SUCO: variants seen among roughly 807,000 people sequenced by gnomAD.
The protein encoded by SUCO is SUN domain-containing ossification factor.
Under a neutral mutation model 148.1 loss-of-function variants are expected in SUCO, and 57 were observed. The observed-to-expected ratio is 0.38, with a 90% CI of 0.31 to 0.48. SUCO has a LOEUF of 0.48. Ranked by LOEUF, SUCO falls within the 20% of genes least tolerant of loss-of-function variation. SUCO has a pLI of 0.96. For synonymous variants in SUCO, 470 were observed against 502.7 expected (o/e 0.93, Z 0.87); for missense variants, 1,331 against 1,468.2 (o/e 0.91, Z 1.53).
chr1:172,541,116 A>G (rs1406864407), intron 1 of SUCO, among the ~76,000 whole-genome samples: 1 of 152,208 alleles, frequency 6.6e-6, no homozygotes, highest in African/African-American at 2.4e-5. Context: ...AAAAATAACA[A>G]TACAACAATA....
chr1:172,551,620 GA>G lies in SUCO; in HGVS notation c.176del (p.Lys59ArgfsTer29). On this transcript the variant is annotated frameshift_variant, in exon 2 of 24. Transcript: ENST00000263688. LOFTEE classifies it high-confidence loss of function. Reference sequence around the variant, plus strand: ...TAGAAAATGAAGATGTACAATTCCAGAAAAAGGTGCCTTAAATAAAGTTAAC... The same window carrying G: ...TAGAAAATGAAGATGTACAATTCCAGAAAAGGTGCCTTAAATAAAGTTAAC... ...ALENEDVQFQ[K>X]KDEREGPINA... 8 of 1,590,184 alleles carry G rather than the reference GA, an allele frequency of 5.0e-6. No individual in the cohort carries two copies. Among genetic ancestry groups the G allele is most frequent in the East Asian group, 2.3e-5 (1 of 44,282 alleles).
rs187065569 is a variant in SUCO, at chr1:172,558,587, C to T, written c.732+793C>T. 5.8e-4 allele frequency among the ~76,000 whole-genome samples: 89 copies of T among 152,286 alleles called. 2 individuals are homozygous for T. Among genetic ancestry groups the T allele is most frequent in the Admixed American group, 2.2e-3 (34 of 15,304 alleles). ...CGTATTTTCAGTGAATCTTCACTTA[C>T]GACTAACTAAACTTCATTCTGGAGA... On this transcript the variant is annotated intron_variant, in intron 6 of 23. Coordinates refer to ENST00000263688, the MANE Select transcript of SUCO (RefSeq NM_014283.5).
chr1:172,601,955 G>A, intron 20 of SUCO, 109 bp from the exon 21 acceptor site: 1 of 1,108,664 alleles, frequency 9.0e-7, no homozygotes, highest in Admixed American at 2.9e-5. Context: ...GGTCTTTGAA[G>A]CACATTAAAA....
chr1:172,568,225 T>C, intron 6 of SUCO: 2 of 810,604 alleles, frequency 2.5e-6, no homozygotes, highest in Non-Finnish European at 1.5e-6. Flanking sequence ...TTATATGATA[T>C]CTCAGGCTTT....
intron 3 of SUCO, 46 bp downstream of exon 3, chr1:172,553,416 A>T (rs1558177814): frequency 1.5e-6 from 2 of 1,360,838 alleles, no homozygotes; most frequent in Non-Finnish European, 2.0e-6. Context: ...ATTTCAAACT[A>T]CTTTACAAGA....
At chr1:172,553,444 C>A (rs186577207) in intron 3 of SUCO, 74 bp downstream of exon 3, 1 of 1,097,800 alleles carries the variant, frequency 9.1e-7, no homozygotes, top group African/African-American at 1.6e-5. Flanking sequence ...CCTTTGGTCA[C>A]CATATTGTGT....
chr1:172,563,931 T>A (rs1041781535), intron 6 of SUCO, among the ~76,000 whole-genome samples: 1 of 152,202 alleles, frequency 6.6e-6, no homozygotes, highest in African/African-American at 2.4e-5. Context: ...GCACCCTGCA[T>A]CCCAGCTGCT....
At chr1:172,545,398 A>C (rs2149221730) in intron 1 of SUCO, among the ~76,000 whole-genome samples, 1 of 152,332 alleles carries the variant, frequency 6.6e-6, no homozygotes, top group East Asian at 1.9e-4. Flanking sequence ...TATAAAGGGA[A>C]GATTTCAGAA....
chr1:172,533,861 G>A (rs1019310007), intron 1 of SUCO, among the ~76,000 whole-genome samples: 1 of 152,160 alleles, frequency 6.6e-6, no homozygotes, highest in Non-Finnish European at 1.5e-5. Flanking sequence ...CAGTCTTTGC[G>A]TTCTTAGTGT....
intron 19 of SUCO, among the ~76,000 whole-genome samples, chr1:172,597,528 AT>A (rs959185385): frequency 8.6e-5 from 13 of 151,852 alleles, no homozygotes; most frequent in South Asian, 2.1e-4. Context: ...TTTTGTTTGT[AT>A]TTTTTTTAAT....
intron 6 of SUCO, among the ~76,000 whole-genome samples, chr1:172,567,818 AT>A (rs1201741379): frequency 6.6e-6 from 1 of 152,164 alleles, no homozygotes; most frequent in Non-Finnish European, 1.5e-5. Context: ...CTCAACAGAT[AT>A]TTCACACTTG....
In SUCO at chr1:172,539,130, CTGAA is replaced by C. The variant is rs141016914; in HGVS notation, c.62+5636_62+5639del. On this transcript the variant is annotated intron_variant, in intron 1 of 23. Coordinates refer to ENST00000263688, the MANE Select transcript of SUCO (RefSeq NM_014283.5). ...TCACTCTTTCACTTTTCTCAACAGT[CTGAA>C]TGGAGAAAAGAATCAATATGTATAA... Among the ~76,000 whole-genome samples the C allele has an allele frequency of 4.4e-3, 674 of 152,186 alleles. 3 individuals carry two copies. Among genetic ancestry groups the C allele is most frequent in the African/African-American group, 0.016 (645 of 41,514 alleles).
chr1:172,542,923 A>G (rs1277670377), intron 1 of SUCO: 1 of 985,344 alleles, frequency 1.0e-6, no homozygotes, highest in Non-Finnish European at 1.2e-6. Flanking sequence ...AAACTTTTCA[A>G]AAGAGGGAAG....
chr1:172,609,414 A>G, intron 23 of SUCO: 1 of 941,706 alleles, frequency 1.1e-6, no homozygotes, highest in Non-Finnish European at 1.3e-6. Context: ...CTACATTGTA[A>G]CTTGGGCAAA....
intron 1 of SUCO, among the ~76,000 whole-genome samples, chr1:172,547,569 C>T (rs1652956868): frequency 6.6e-6 from 1 of 152,120 alleles, no homozygotes; most frequent in Admixed American, 6.5e-5. Context: ...AGACAAATCT[C>T]ACATAAGAAC....
intron 6 of SUCO, among the ~76,000 whole-genome samples, chr1:172,564,188 G>A (rs1654390765): frequency 6.6e-6 from 1 of 152,256 alleles, no homozygotes; most frequent in South Asian, 2.1e-4. Context: ...AGTGCAGAGG[G>A]GAAATATGGG....
intron 11 of SUCO, among the ~76,000 whole-genome samples, chr1:172,576,132 G>A (rs1396030400): frequency 1.3e-5 from 2 of 151,776 alleles, no homozygotes; most frequent in Non-Finnish European, 3.0e-5. Context: ...AAACACTGGT[G>A]TTTTATATTT....
chr1:172,595,087 CAG>C (rs1656995705), intron 19 of SUCO, among the ~76,000 whole-genome samples: 1 of 152,136 alleles, frequency 6.6e-6, no homozygotes, highest in African/African-American at 2.4e-5. Context: ...TCTGTTTTAT[CAG>C]AGACTACGAT....
intron 1 of SUCO, among the ~76,000 whole-genome samples, chr1:172,540,904 A>G (rs1339514672): frequency 6.6e-6 from 1 of 152,162 alleles, no homozygotes; most frequent in Middle Eastern, 3.2e-3. Flanking sequence ...GATTTCAGAG[A>G]TTGTGGTAGA....
Sources: allele counts gnomAD v4.1 joint callset (sites outside exome capture counted in the v4.1 genomes callset), GRCh38; gene constraint gnomAD v4.1.1; transcripts MANE v1.5; gene names NCBI Gene and HGNC (gene_info 2026-07-23, HGNC 2026-07-21).